Variants in DLG2 observed in about 807,000 individuals in gnomAD.
DLG2 encodes discs large MAGUK scaffold protein 2.
DLG2 carries 45 observed loss-of-function variants against 132.5 expected under a neutral mutation model. The observed-to-expected ratio is 0.34, with a 90% CI of 0.27 to 0.44. The LOEUF (loss-of-function observed/expected upper bound fraction) is 0.44. DLG2 is among the 20% of genes least tolerant of loss of function. The pLI is 1.00. For missense variants in DLG2, 1,045 were observed against 1,196.9 expected (o/e 0.87, Z 1.87); for synonymous variants, 424 against 419.6 (o/e 1.01, Z -0.13).
chr11:85,504,387 G>C (rs1048313572), intron 3 of DLG2, among the ~76,000 whole-genome samples: 2 of 152,094 alleles, frequency 1.3e-5, no homozygotes, highest in Non-Finnish European at 2.9e-5. Flanking sequence ...ATTAATTTTT[G>C]TATAAGGTGT....
At chr11:84,493,122 T>C (rs1040347549) in intron 7 of DLG2, among the ~76,000 whole-genome samples, 8 of 151,410 alleles carry the variant, frequency 5.3e-5, no homozygotes, top group African/African-American at 1.5e-4. Context: ...GTCCATCAGC[T>C]TGGGGACATG....
At chr11:83,808,502 A>C (rs1472373911) in intron 17 of DLG2, among the ~76,000 whole-genome samples, 2 of 152,170 alleles carry the variant, frequency 1.3e-5, no homozygotes, top group Admixed American at 6.5e-5. Context: ...AGGCTGCCTG[A>C]AACAGAGGAC....
In DLG2 at chr11:84,664,054, C is replaced by T. The variant is rs73513109; in HGVS notation, c.358-129323G>A. On this transcript the variant is annotated intron_variant, in intron 6 of 27. Transcript: ENST00000376104. ...AGTAAAGTTACAGGCAGAACAACAA[C>T]GACTATTTTATACCTTAAGAGGCTT... Among the ~76,000 whole-genome samples, 265 of 152,254 alleles carry T rather than the reference C, an allele frequency of 1.7e-3. 1 individual carries two copies. The highest frequency in any genetic ancestry group is 6.1e-3 in the African/African-American group (255 of 41,558).
chr11:84,927,371 G>T (rs979120761), intron 6 of DLG2, among the ~76,000 whole-genome samples: 2 of 151,978 alleles, frequency 1.3e-5, no homozygotes, highest in Admixed American at 6.6e-5. Context: ...AAGTTTATAC[G>T]TTAAGGATTC....
At chr11:85,252,431 A>G (rs1426468570) in intron 4 of DLG2, among the ~76,000 whole-genome samples, 1 of 152,134 alleles carries the variant, frequency 6.6e-6, no homozygotes, top group African/African-American at 2.4e-5. Flanking sequence ...CTAAAAATAC[A>G]AACAATTAGC....
intron 3 of DLG2, among the ~76,000 whole-genome samples, chr11:85,543,810 C>T (rs931070438): frequency 1.3e-5 from 2 of 151,518 alleles, no homozygotes; most frequent in Non-Finnish European, 2.9e-5. Context: ...TGTTCATATC[C>T]TTCATTCACT....
intron 21 of DLG2, among the ~76,000 whole-genome samples, chr11:83,519,197 C>T (rs1254906664): frequency 6.6e-6 from 1 of 152,134 alleles, no homozygotes; most frequent in African/African-American, 2.4e-5. Flanking sequence ...GCGGGGTGTA[C>T]TGTAGAGAAA....
intron 5 of DLG2, among the ~76,000 whole-genome samples, chr11:85,136,526 A>G (rs903404024): frequency 4.6e-5 from 7 of 152,110 alleles, no homozygotes; most frequent in Admixed American, 2.0e-4. Flanking sequence ...TGTGATTTTC[A>G]CAAGAAGTCT....
intron 7 of DLG2, among the ~76,000 whole-genome samples, chr11:84,511,177 G>A (rs938265034): frequency 6.6e-6 from 1 of 152,046 alleles, no homozygotes; most frequent in Non-Finnish European, 1.5e-5. Context: ...ATAGTGCTCA[G>A]CTTACATCAA....
intron 3 of DLG2, among the ~76,000 whole-genome samples, chr11:85,460,031 C>A (rs1358020143): frequency 1.3e-5 from 2 of 152,182 alleles, no homozygotes; most frequent in Non-Finnish European, 2.9e-5. Flanking sequence ...AGGTAACCAG[C>A]CTCTCTTTCT....
At chr11:83,924,869 T>C (rs1183272078) in intron 15 of DLG2, among the ~76,000 whole-genome samples, 1 of 152,112 alleles carries the variant, frequency 6.6e-6, no homozygotes, top group African/African-American at 2.4e-5. Context: ...AGTTAGAAGT[T>C]AGACCTATGA....
chr11:85,191,922 G>C (rs2080610283), intron 4 of DLG2, among the ~76,000 whole-genome samples: 1 of 152,154 alleles, frequency 6.6e-6, no homozygotes, highest in Non-Finnish European at 1.5e-5. Context: ...AGGCTCAGAA[G>C]TGTGAAATAA....
At chr11:85,458,590 T>G (rs2092496793) in intron 3 of DLG2, among the ~76,000 whole-genome samples, 1 of 152,220 alleles carries the variant, frequency 6.6e-6, no homozygotes. Context: ...TTCAGTACAG[T>G]TAGTACACTT....
chr11:83,973,067 G>A (rs908642623), intron 12 of DLG2, among the ~76,000 whole-genome samples: 3 of 151,956 alleles, frequency 2.0e-5, no homozygotes, highest in African/African-American at 7.3e-5. Flanking sequence ...GAACCCTAGG[G>A]CAATCCACTG....
At chr11:84,880,539 G>A (rs1047447147) in intron 6 of DLG2, among the ~76,000 whole-genome samples, 12 of 152,098 alleles carry the variant, frequency 7.9e-5, no homozygotes, top group Non-Finnish European at 1.3e-4. Context: ...ATAATTAAAA[G>A]ATAAATATAT....
At chr11:84,517,328 G>A (rs2099276822) in intron 7 of DLG2, among the ~76,000 whole-genome samples, 1 of 151,628 alleles carries the variant, frequency 6.6e-6, no homozygotes, top group Non-Finnish European at 1.5e-5. Context: ...ATTAAAAAAT[G>A]GGCAGAGGAT....
intron 18 of DLG2, among the ~76,000 whole-genome samples, chr11:83,699,610 T>C (rs558713563): frequency 3.7e-4 from 56 of 150,362 alleles, no homozygotes; most frequent in African/African-American, 1.3e-3. Context: ...CTTGGGAGGC[T>C]GAGGCAGGAG....
chr11:84,078,985 C>T (rs2096866044), intron 10 of DLG2, among the ~76,000 whole-genome samples: 1 of 152,162 alleles, frequency 6.6e-6, no homozygotes. Flanking sequence ...TTCCAATTGT[C>T]ATCCTCAAAG....
chr11:84,319,839 A>G (rs1457581872), intron 7 of DLG2, among the ~76,000 whole-genome samples: 4 of 152,224 alleles, frequency 2.6e-5, no homozygotes, highest in African/African-American at 9.6e-5. Context: ...TAAGCTTACT[A>G]AAAGACTATA....
Sources: allele counts gnomAD v4.1 joint callset (sites outside exome capture counted in the v4.1 genomes callset), GRCh38; gene constraint gnomAD v4.1.1; transcripts MANE v1.5; gene names NCBI Gene and HGNC (gene_info 2026-07-23, HGNC 2026-07-21).